Variants in NLRP13 observed in about 807,000 individuals in gnomAD.
The protein encoded by NLRP13 is NLR family pyrin domain containing 13, also known as NACHT, LRR and PYD domains-containing protein 13.
A neutral mutation model predicts 94.4 loss-of-function variants in NLRP13; 82 were observed. That is an observed-to-expected ratio of 0.87 (90% CI 0.73 to 1.04). NLRP13 has a LOEUF of 1.04. Among genes scored for constraint, NLRP13 ranks in the 50% least tolerant of loss-of-function variants. The probability of loss-of-function intolerance (pLI) is 0.00; values close to 1 mark genes in which losing one functional copy is unlikely to be tolerated. For missense variants in NLRP13, 1,426 were observed against 1,230.8 expected (o/e 1.16, Z -2.37); for synonymous variants, 553 against 464.7 (o/e 1.19, Z -2.45).
chr19:55,892,043 A>G (rs940997138), downstream of NLRP13: 1 of 1,180,008 alleles, frequency 8.5e-7, no homozygotes, highest in Non-Finnish European at 1.1e-6. Flanking sequence ...AATCCCACGC[A>G]CACTTGAGTT....
intron 4 of NLRP13, among the ~76,000 whole-genome samples, chr19:55,917,258 C>A (rs1168337121): frequency 6.6e-6 from 1 of 151,834 alleles, no homozygotes; most frequent in Non-Finnish European, 1.5e-5. Flanking sequence ...CTTGCCATCA[C>A]AAAAACACAC....
Position 55,910,349 on chromosome 19 carries a change from G to A in NLRP13, c.2282+214C>T, listed in dbSNP as rs1479782588. ...GGGAAAAATTACTTTGTCCACAGGT[G>A]CCTCTAATGCGAGATCATTCTTGAT... On this transcript the variant is annotated intron_variant, in intron 6 of 10. Coordinates refer to ENST00000342929, the MANE Select transcript of NLRP13 (RefSeq NM_176810.2). Among the ~76,000 whole-genome samples, 3 of 152,174 alleles carry A rather than the reference G, an allele frequency of 2.0e-5. No homozygotes were observed. In the East Asian group the frequency reaches 5.8e-4, roughly 29 times the overall value.
intron 3 of NLRP13, 70 bp from the exon 4 acceptor site, chr19:55,924,049 C>T: frequency 8.4e-7 from 1 of 1,190,456 alleles, no homozygotes; most frequent in Non-Finnish European, 1.3e-6. Flanking sequence ...GATAAAGACT[C>T]TCAGTAGAAC....
At chr19:55,928,699 A>T (rs534197473) in intron 1 of NLRP13, among the ~76,000 whole-genome samples, 34 of 152,338 alleles carry the variant, frequency 2.2e-4, no homozygotes, top group African/African-American at 7.9e-4. Flanking sequence ...AGAATTTAAG[A>T]GTTCTAAATC....
intron 9 of NLRP13, among the ~76,000 whole-genome samples, chr19:55,900,792 T>A (rs904355549): frequency 9.7e-6 from 1 of 103,416 alleles, no homozygotes; most frequent in Non-Finnish European, 2.2e-5. Flanking sequence ...AAAAAAAAAA[T>A]CTAGAACCAG....
intron 10 of NLRP13, among the ~76,000 whole-genome samples, chr19:55,897,653 A>T (rs1394406955): frequency 6.6e-6 from 1 of 152,186 alleles, no homozygotes; most frequent in Non-Finnish European, 1.5e-5. Context: ...AACTATCTTA[A>T]ATTTGGCACT....
chr19:55,908,143 C>A (rs1485425212), intron 6 of NLRP13, among the ~76,000 whole-genome samples, 187 bp from the exon 7 acceptor site: 1 of 152,162 alleles, frequency 6.6e-6, no homozygotes, highest in South Asian at 2.1e-4. Context: ...TATACTCCCC[C>A]CAAAAAAATC....
chr19:55,892,216 T>C (rs556515447), downstream of NLRP13: 291 of 850,282 alleles, frequency 3.4e-4, no homozygotes, highest in Non-Finnish European at 4.2e-4. Flanking sequence ...ACAGGTTTGT[T>C]ACATGGGTCT....
downstream of NLRP13, chr19:55,891,846 A>G (rs1006782470): frequency 7.9e-6 from 3 of 379,198 alleles, no homozygotes; most frequent in Admixed American, 9.1e-5. Flanking sequence ...TGGGCGTGCA[A>G]TGGGCGGCCT....
At chr19:55,903,983 AAC>A (rs532020701) in intron 8 of NLRP13, among the ~76,000 whole-genome samples, 40 of 152,078 alleles carry the variant, frequency 2.6e-4, no homozygotes, top group Non-Finnish European at 5.1e-4. Context: ...CTCAAGACAA[AAC>A]AGATTCCTAC....
In NLRP13 at chr19:55,924,167, C is replaced by T. The variant is rs199476251; in HGVS notation, c.458-188G>A. On this transcript the variant is annotated intron_variant, in intron 3 of 10. Transcript: ENST00000342929. ...AAATGGAGTCTCACTCTGTTGCCCA[C>T]GCTAGAGTGCAGTGGTACCATCTTG... Among the ~76,000 whole-genome samples, 380 of 152,210 alleles carry T rather than the reference C, an allele frequency of 2.5e-3. 1 individual carries two copies. The highest frequency in any genetic ancestry group is 8.2e-3 in the African/African-American group (340 of 41,522).
chr19:55,921,381 G>T (rs1986821656), intron 4 of NLRP13, among the ~76,000 whole-genome samples: 1 of 152,214 alleles, frequency 6.6e-6, no homozygotes, highest in South Asian at 2.1e-4. Flanking sequence ...CCTTTTAGAG[G>T]ATCAATTTGA....
rs1986539626 is a variant in NLRP13, at chr19:55,912,278, A to G, written c.1539T>C (p.Ile513=). 6.2e-7 allele frequency: 1 copy of G among 1,614,126 alleles called. No homozygotes were observed. Among genetic ancestry groups the G allele is most frequent in the Non-Finnish European group, 8.5e-7 (1 of 1,180,008 alleles). The change falls in exon 5 of 11, where the codon ATT becomes ATC. Residue 513 remains isoleucine (I), a synonymous_variant. Transcript: ENST00000342929. ...TEIEGLEVPF[I]DSLYEFNILQ... The stretch of plus-strand genomic sequence containing the variant: ...GAATATTGAACTCGTAGAGAGAATC[A>G]ATGAAAGGCACTTCCAGGCCCTCGA...
chr19:55,918,664 T>C lies in NLRP13; in HGVS notation c.523+5250A>G, dbSNP rs373164221. On this transcript the variant is annotated intron_variant, in intron 4 of 10. Coordinates refer to ENST00000342929, the MANE Select transcript of NLRP13 (RefSeq NM_176810.2). ...TCTGGGAACATACAACCTACCAAGA[T>C]TGAATCAGGAATAAATATAAATCCT... is the stretch of plus-strand genomic sequence containing the variant. Among the ~76,000 whole-genome samples, 30 of 152,076 alleles carry C rather than the reference T, an allele frequency of 2.0e-4. 1 individual carries two copies. In the South Asian group the frequency reaches 5.8e-3, roughly 29 times the overall value.
At chr19:55,931,820 C>T (rs1005475628) in intron 1 of NLRP13, among the ~76,000 whole-genome samples, 173 bp downstream of exon 1, 4 of 151,666 alleles carry the variant, frequency 2.6e-5, no homozygotes, top group Admixed American at 2.6e-4. Flanking sequence ...CAGGCTAGAG[C>T]ACTAAATCTT....
chr19:55,912,316 C>T lies in NLRP13; in HGVS notation c.1501G>A (p.Glu501Lys), dbSNP rs762205232. The T allele has an allele frequency of 3.1e-6, 5 of 1,614,004 alleles. No homozygotes were observed. Among genetic ancestry groups the T allele is most frequent in the African/African-American group, 1.3e-5 (1 of 74,920 alleles). Residue 501 changes from glutamate to lysine, a missense_variant, in exon 5 of 11, where the codon GAA becomes AAA. Physicochemically the swap from Glu to Lys is moderately conservative, Grantham distance 56 (BLOSUM62 1). Coordinates refer to ENST00000342929, the MANE Select transcript of NLRP13 (RefSeq NM_176810.2). ...LWSMNFTFNK[E>K]DTEIEGLEVP... is the part of the protein sequence containing the mutation. ...TCCAGGCCCTCGATCTCAGTGTCTT[C>T]TTTGTTAAACGTGAAGTTCATAGAC...
At chr19:55,894,213 T>A (rs571782612), downstream of NLRP13, among the ~76,000 whole-genome samples, 8 of 152,036 alleles carry the variant, frequency 5.3e-5, no homozygotes, top group South Asian at 4.2e-4. Context: ...GCCAATTTTT[T>A]AAAATTTTTG....
downstream of NLRP13, among the ~76,000 whole-genome samples, chr19:55,892,651 C>T (rs946170023): frequency 6.6e-6 from 1 of 152,084 alleles, no homozygotes; most frequent in African/African-American, 2.4e-5. Context: ...GAACTCCTGA[C>T]CTCAGGTGAT....
intron 10 of NLRP13, among the ~76,000 whole-genome samples, chr19:55,897,791 G>C (rs113486518): frequency 7.2e-5 from 11 of 152,286 alleles, no homozygotes; most frequent in African/African-American, 2.4e-4. Context: ...ATAGAGGTTT[G>C]AGGTGGCTGG....
Sources: allele counts gnomAD v4.1 joint callset (sites outside exome capture counted in the v4.1 genomes callset), GRCh38; gene constraint gnomAD v4.1.1; transcripts MANE v1.5; gene names NCBI Gene and HGNC (gene_info 2026-07-23, HGNC 2026-07-21).